The following DNAH1 variants were observed in gnomAD, a reference collection of about 807,000 sequenced individuals.
DNAH1 encodes the protein axonemal beta dynein heavy chain 1.
Under a neutral mutation model 484.3 loss-of-function variants are expected in DNAH1, and 327 were observed. That is an observed-to-expected ratio of 0.68 (90% CI 0.62 to 0.74). The LOEUF is 0.74. DNAH1 is among the 30% of genes least tolerant of loss of function. The pLI, the probability that DNAH1 is intolerant of heterozygous loss-of-function variation, is 0.00. For missense variants in DNAH1, 5,052 were observed against 5,546.8 expected (o/e 0.91, Z 2.83); for synonymous variants, 2,192 against 2,191.9 (o/e 1.00, Z 0.00).
rs776619066 is a variant in DNAH1 at position 52,362,589 on chromosome 3, G to T, written c.5094+88G>T. The T allele has an allele frequency of 6.7e-6, 8 of 1,194,100 alleles. No individual in the cohort carries two copies. The Admixed American group carries it at 1.4e-4, about 21-fold the overall frequency. 74.0% of individuals were successfully genotyped at this position (1,194,100 alleles called of 1,614,324 possible). ...AAGCCACTTATGCAAGGACACAGTT[G>T]CTTGGACTCCAGGGACTGTGATTCC... On this transcript the variant is annotated intron_variant, in intron 31 of 77. Transcript: ENST00000420323. The surrounding 1 kb of genome is among the most constrained non-coding windows in gnomAD (Gnocchi z 5.1).
At position 52,395,027 on chromosome 3, in the gene DNAH1, A is replaced by G. The variant is rs764186404; in HGVS notation, c.10936A>G (p.Thr3646Ala). The G allele has an allele frequency of 2.5e-6, 4 of 1,610,904 alleles. No individual in the cohort carries two copies. The highest frequency in any genetic ancestry group is 3.4e-6 in the Non-Finnish European group (4 of 1,178,616). Residue 3646 changes from threonine to alanine, a missense_variant, in exon 68 of 78, where the codon ACC becomes GCC. Physicochemically the swap from Thr to Ala is moderately conservative, Grantham distance 58 (BLOSUM62 0). Transcript: ENST00000420323. This position sits in a 1 kb window ranked among gnomAD's most constrained non-coding sequence, Gnocchi z 4.4. ...VTNAMQDFVA[T>A]NLEPRFIEPQ... ...CAACGCCATGCAGGACTTTGTGGCC[A>G]CCAACCTGGAGCCACGCTTCATTGA... is the stretch of plus-strand genomic sequence containing the variant.
intron 8 of DNAH1, among the ~76,000 whole-genome samples, chr3:52,337,171 T>TTG (rs375733224): frequency 3.3e-5 from 5 of 151,920 alleles, no homozygotes; most frequent in Admixed American, 6.6e-5. Context: ...CCTAGGTATT[T>TTG]TGTGTGTGTG....
Position 52,398,264 on chromosome 3 carries a change from A to G in DNAH1, c.12089+102A>G, listed in dbSNP as rs74283386. On this transcript the variant is annotated intron_variant, in intron 75 of 77. Coordinates refer to ENST00000420323, the MANE Select transcript of DNAH1 (RefSeq NM_015512.5). ...GGCCAGGTGCCATGCCAAGTGCTAC[A>G]CATCCTCTAACTCAGCTATTTTTTG... 3.0e-3 allele frequency: 4,078 copies of G among 1,377,316 alleles called. 125 individuals carry two copies. The Admixed American group carries it at 0.074, about 25-fold the overall frequency. The allele number at this position is 1,377,316 out of a possible 1,614,324, so 85.3% of individuals were successfully genotyped here. A position where few individuals can be genotyped will look rare whatever the true frequency, so the allele number is the denominator to read the frequency against.
chr3:52,315,087 A>G (rs1700903868), upstream of DNAH1, among the ~76,000 whole-genome samples: 1 of 152,118 alleles, frequency 6.6e-6, no homozygotes, highest in African/African-American at 2.4e-5. Flanking sequence ...AGGGCAGCTG[A>G]GCAATGGCAG....
At chr3:52,347,620 AG>A (rs1241299494) in intron 11 of DNAH1, among the ~76,000 whole-genome samples, 4 of 152,174 alleles carry the variant, frequency 2.6e-5, no homozygotes, top group Non-Finnish European at 4.4e-5. Flanking sequence ...CATGGACCTC[AG>A]GTCACCTGAG....
chr3:52,392,379 CA>C, intron 63 of DNAH1, 84 bp from the exon 64 acceptor site: 3 of 1,275,028 alleles, frequency 2.4e-6, no homozygotes, highest in Non-Finnish European at 3.3e-6. Context: ...GCCCCAGAAG[CA>C]CAGGTGGATG....
chr3:52,392,534 CA>C lies in DNAH1; in HGVS notation c.10124del (p.Gln3375ArgfsTer2). ...ERPDLEEAKN[Q>X]LIISNAKMRQ... The stretch of plus-strand genomic sequence containing the variant: ...ACCCGACCTGGAGGAGGCCAAGAAC[CA>C]GCTGATTATCAGTAATGCCAAGATG... On this transcript the variant is annotated frameshift_variant, in exon 64 of 78. Coordinates refer to ENST00000420323, the MANE Select transcript of DNAH1 (RefSeq NM_015512.5). LOFTEE classifies it high-confidence loss of function. 1 of 1,613,968 alleles carries C rather than the reference CA, an allele frequency of 6.2e-7. No individual in the cohort carries two copies. The highest frequency in any genetic ancestry group is 8.5e-7 in the Non-Finnish European group (1 of 1,179,864).
intron 41 of DNAH1, 64 bp downstream of exon 41, chr3:52,370,889 A>T (rs1703311187): frequency 6.7e-7 from 1 of 1,493,026 alleles, no homozygotes; most frequent in Non-Finnish European, 9.1e-7. Flanking sequence ...CTGTTCCCGC[A>T]ATGAATTATG....
chr3:52,367,022 C>A (rs1398008867), intron 36 of DNAH1, 135 bp downstream of exon 36: 2 of 1,109,076 alleles, frequency 1.8e-6, no homozygotes, highest in Non-Finnish European at 2.5e-6. Flanking sequence ...TTCTATTCTC[C>A]ATTCTACTTC....
At chr3:52,390,215 A>G (rs1273910195) in intron 60 of DNAH1, among the ~76,000 whole-genome samples, 1 of 152,252 alleles carries the variant, frequency 6.6e-6, no homozygotes, top group Non-Finnish European at 1.5e-5. Context: ...GTGTAATCCC[A>G]GCACTTTGGG....
intron 8 of DNAH1, among the ~76,000 whole-genome samples, chr3:52,340,873 TAA>T (rs1578100853): frequency 2.2e-4 from 33 of 151,750 alleles, no homozygotes; most frequent in South Asian, 1.3e-3. Flanking sequence ...TTTTTTTTTT[TAA>T]TTTACAGATA....
chr3:52,400,100 G>C (rs1704842591), intron 77 of DNAH1, among the ~76,000 whole-genome samples: 1 of 152,210 alleles, frequency 6.6e-6, no homozygotes, highest in South Asian at 2.1e-4. Flanking sequence ...GTCCATCAGA[G>C]AATGAAAAGT....
At position 52,345,614 on chromosome 3, in the gene DNAH1, A is replaced by T; in HGVS notation, c.1564A>T (p.Lys522Ter). Residue 522 changes from lysine to a stop codon, truncating the protein, a stop_gained, in exon 10 of 78, where the codon AAG becomes TAG. Transcript: ENST00000420323. LOFTEE classifies it high-confidence loss of function. Reference protein sequence around the residue: ...ALSKVRAECNKVTAMSLFHSS... With the variant: ...ALSKVRAECN ...CAGCAAGGTGAGGGCCGAGTGCAAC[A>T]AGGTGACCGCCATGTCCCTGTTCCA... The T allele has an allele frequency of 6.2e-7, 1 of 1,608,728 alleles. No homozygotes were observed.
At chr3:52,339,786 T>C (rs1240023484) in intron 8 of DNAH1, among the ~76,000 whole-genome samples, 1 of 151,282 alleles carries the variant, frequency 6.6e-6, no homozygotes, top group Non-Finnish European at 1.5e-5. Flanking sequence ...GTTTTTAGAA[T>C]GTGCTCTGTG....
intron 60 of DNAH1, 107 bp downstream of exon 60, chr3:52,389,693 G>A (rs574560030): frequency 5.0e-5 from 61 of 1,225,390 alleles, no homozygotes; most frequent in South Asian, 1.1e-4. Context: ...GGCCTGGCTC[G>A]GAGCTGCCTC....
chr3:52,381,843 G>A lies in DNAH1; in HGVS notation c.7805+7G>A, dbSNP rs755059481. Reference sequence around the variant, plus strand: ...CAAGGCTCGCCTCGCACATGTGAGCGCCTCCAGGGCGTGCTGGGCAGTGGG... The same window carrying A: ...CAAGGCTCGCCTCGCACATGTGAGCACCTCCAGGGCGTGCTGGGCAGTGGG... On this transcript the variant is annotated splice_region_variant and intron_variant, in intron 49 of 77. Transcript: ENST00000420323. This position sits in a 1 kb window ranked among gnomAD's most constrained non-coding sequence, Gnocchi z 4.1. The A allele has an allele frequency of 4.7e-5, 74 of 1,573,550 alleles. No individual in the cohort carries two copies. The highest frequency in any genetic ancestry group is 9.4e-5 in the African/African-American group (7 of 74,100).
intron 1 of DNAH1, among the ~76,000 whole-genome samples, chr3:52,318,556 A>G (rs1013949667): frequency 1.1e-4 from 17 of 152,258 alleles, no homozygotes; most frequent in African/African-American, 4.1e-4. Flanking sequence ...TTCAGCAAGT[A>G]CTTTCTAGGC....
In DNAH1 at chr3:52,349,274, G is replaced by A. The variant is rs1702273503; in HGVS notation, c.2380G>A (p.Asp794Asn). 1.2e-6 allele frequency: 2 copies of A among 1,613,982 alleles called. No individual in the cohort carries two copies. The highest frequency in any genetic ancestry group is 4.5e-5 in the East Asian group (2 of 44,878). ...CCACCTGCGGGAGAAGGAGATCCTGGACAGCTCGCTGCCCAGCAGCATCAT... is the reference window on the plus strand; with the variant it reads ...CCACCTGCGGGAGAAGGAGATCCTGAACAGCTCGCTGCCCAGCAGCATCAT... ...LTHLREKEIL[D>N]SSLPSSIIIG... The change falls in exon 14 of 78, where the codon GAC becomes AAC. Residue 794 changes from aspartate to asparagine, a missense_variant. By Grantham distance (23) the Asp-to-Asn change is conservative (BLOSUM62 1). Coordinates refer to ENST00000420323, the MANE Select transcript of DNAH1 (RefSeq NM_015512.5).
chr3:52,369,349 G>A (rs973680071), intron 37 of DNAH1, among the ~76,000 whole-genome samples: 10 of 152,182 alleles, frequency 6.6e-5, no homozygotes, highest in African/African-American at 1.9e-4. Flanking sequence ...TAGACACCAC[G>A]GGGATCTGTC....
Sources: gnomAD v4.1 joint callset for allele counts (sites outside exome capture counted in the v4.1 genomes callset) on GRCh38, gnomAD v4.1.1 for gene constraint, Gnocchi (gnomAD v3.1) non-coding constraint, MANE v1.5 for transcripts, NCBI Gene and HGNC (gene_info 2026-07-23, HGNC 2026-07-21) for gene names.